LAMB1: variants seen among roughly 807,000 people sequenced by gnomAD.
LAMB1 encodes laminin subunit beta 1, also known as laminin subunit beta-1.
In LAMB1, 121 loss-of-function variants were observed where a neutral mutation model predicts 222.3. The observed-to-expected ratio is 0.54, with a 90% CI of 0.47 to 0.63. The LOEUF (loss-of-function observed/expected upper bound fraction) is 0.63, where lower values mean the gene tolerates loss of function less well. Ranked by LOEUF, LAMB1 falls within the 30% of genes least tolerant of loss-of-function variation. The pLI is 0.00. For synonymous variants in LAMB1, 794 were observed against 807.2 expected (o/e 0.98, Z 0.28); for missense variants, 2,172 against 2,240.8 (o/e 0.97, Z 0.62).
chr7:107,993,217 T>C (rs1386164791), intron 5 of LAMB1, among the ~76,000 whole-genome samples: 1 of 152,198 alleles, frequency 6.6e-6, no homozygotes, highest in East Asian at 1.9e-4. Context: ...CACTGCAACC[T>C]TCGCCTGCAG....
At chr7:107,934,587 C>T (rs971466026) in intron 27 of LAMB1, among the ~76,000 whole-genome samples, 2 of 152,146 alleles carry the variant, frequency 1.3e-5, no homozygotes, top group Admixed American at 1.3e-4. Context: ...AATGAATCTA[C>T]TTTCTAGGCT....
rs80084395 is a variant in LAMB1, at chr7:107,995,396, G to A, written c.350-436C>T. 2.3e-4 allele frequency among the ~76,000 whole-genome samples: 35 copies of A among 152,316 alleles called. No individual in the cohort carries two copies. The East Asian group carries it at 6.8e-3, about 29-fold the overall frequency. On this transcript the variant is annotated intron_variant, in intron 4 of 33. Coordinates refer to ENST00000222399, the MANE Select transcript of LAMB1 (RefSeq NM_002291.3). ...TGCACAAGGACACAATCCTCCTCCA[G>A]TAGAAACACAAATATTCCTTTTTCT...
Position 107,932,204 on chromosome 7 carries a change from G to C in LAMB1, c.4362C>G (p.Ala1454=). The C allele has an allele frequency of 6.2e-7, 1 of 1,614,206 alleles. No homozygotes were observed. Among genetic ancestry groups the C allele is most frequent in the African/African-American group, 1.3e-5 (1 of 75,044 alleles). The change falls in exon 28 of 34, where the codon GCC becomes GCG. Residue 1454 remains alanine (A), a synonymous_variant. Transcript: ENST00000222399. ...AMDLDQDVLS[A]LAEVEQLSKM... ...TGGAGAGCTGTTCCACTTCAGCCAG[G>C]GCACTCAGGACATCTTGGTCCAAGT...
At chr7:107,948,573 G>C (rs2033177932) in intron 24 of LAMB1, among the ~76,000 whole-genome samples, 1 of 152,040 alleles carries the variant, frequency 6.6e-6, no homozygotes, top group Non-Finnish European at 1.5e-5. Flanking sequence ...GAGCTGACTG[G>C]GTATCATTAT....
chr7:107,925,388 C>T (rs1460859000), intron 32 of LAMB1, among the ~76,000 whole-genome samples: 3 of 152,178 alleles, frequency 2.0e-5, no homozygotes, highest in Admixed American at 2.0e-4. Context: ...ACTGTGCATG[C>T]AAGGGATCTA....
chr7:107,955,459 C>G lies in LAMB1; in HGVS notation c.2854+8G>C. On this transcript the variant is annotated splice_region_variant and intron_variant, in intron 21 of 33. Coordinates refer to ENST00000222399, the MANE Select transcript of LAMB1 (RefSeq NM_002291.3). ...CTCTTTGCCTCCCAAAGTATGCACA[C>G]GACTTACCAATGTATCCAGGATCAC... 6.2e-7 allele frequency: 1 copy of G among 1,610,510 alleles called. No homozygotes were observed. The highest frequency in any genetic ancestry group is 8.5e-7 in the Non-Finnish European group (1 of 1,178,014).
chr7:107,947,680 C>CA (rs752176523), intron 24 of LAMB1, among the ~76,000 whole-genome samples: 1 of 152,334 alleles, frequency 6.6e-6, no homozygotes, highest in Non-Finnish European at 1.5e-5. Flanking sequence ...AATCAATTCT[C>CA]ACTCTCTCTG....
intron 2 of LAMB1, chr7:108,002,194 C>A (rs2034402987): frequency 2.2e-6 from 3 of 1,384,572 alleles, no homozygotes; most frequent in Non-Finnish European, 2.9e-6. Context: ...GCGTGGAGAT[C>A]TGTGAGCTTG....
intron 27 of LAMB1, 155 bp downstream of exon 27, chr7:107,935,260 T>G (rs1688700514): frequency 1.8e-6 from 2 of 1,133,788 alleles, no homozygotes; most frequent in South Asian, 3.1e-5. Flanking sequence ...CATTCCAGGA[T>G]CCAGAGACCT....
intron 5 of LAMB1, among the ~76,000 whole-genome samples, chr7:107,993,866 G>A (rs1484321690): frequency 6.6e-6 from 1 of 152,182 alleles, no homozygotes; most frequent in Admixed American, 6.5e-5. Flanking sequence ...TCCTGCTCCA[G>A]CAGGAACAGC....
intron 8 of LAMB1, among the ~76,000 whole-genome samples, chr7:107,979,232 T>TC (rs1472184910): frequency 3.9e-5 from 6 of 152,112 alleles, no homozygotes; most frequent in African/African-American, 1.4e-4. Flanking sequence ...GAGAAATACC[T>TC]CCCTCCCCTT....
chr7:107,943,895 G>A (rs149481637), intron 24 of LAMB1, among the ~76,000 whole-genome samples: 319 of 152,270 alleles, frequency 2.1e-3, no homozygotes, highest in African/African-American at 7.2e-3. Context: ...GCAGAATCAC[G>A]ACTTCGGAAG....
intron 21 of LAMB1, among the ~76,000 whole-genome samples, chr7:107,955,237 C>G (rs2033349180): frequency 6.6e-6 from 1 of 152,110 alleles, no homozygotes; most frequent in South Asian, 2.1e-4. Flanking sequence ...TCTAGATTTC[C>G]ACGAGCTTAC....
At chr7:107,977,694 G>T (rs1383721491) in intron 9 of LAMB1, among the ~76,000 whole-genome samples, 1 of 152,022 alleles carries the variant, frequency 6.6e-6, no homozygotes, top group Non-Finnish European at 1.5e-5. Context: ...CAGGAGAATC[G>T]CTTGAACCTG....
At position 108,002,003 on chromosome 7, in the gene LAMB1, G is replaced by C. The variant is rs1297027808; in HGVS notation, c.38-270C>G. 105 of 1,442,714 alleles carry C rather than the reference G, an allele frequency of 7.3e-5. 1 individual carries two copies. The highest frequency in any genetic ancestry group is 9.0e-5 in the Non-Finnish European group (99 of 1,095,750). 89.4% of individuals were successfully genotyped at this position (1,442,714 alleles called of 1,614,324 possible). ...CCTCCCTCCCGGGAAACCCACCGACGCTCGCGCCCACCCTGATCAGCCCCG... is the reference window on the plus strand; with the variant it reads ...CCTCCCTCCCGGGAAACCCACCGACCCTCGCGCCCACCCTGATCAGCCCCG... On this transcript the variant is annotated intron_variant, in intron 2 of 33. Coordinates refer to ENST00000222399, the MANE Select transcript of LAMB1 (RefSeq NM_002291.3).
chr7:107,935,386 A>G, intron 27 of LAMB1, 29 bp downstream of exon 27: 2 of 1,450,808 alleles, frequency 1.4e-6, no homozygotes, highest in Non-Finnish European at 9.1e-7. Context: ...TTGGCACCAT[A>G]GCAGTAAGGC....
chr7:107,981,417 C>T (rs532341189), intron 7 of LAMB1, among the ~76,000 whole-genome samples: 1 of 150,668 alleles, frequency 6.6e-6, no homozygotes, highest in East Asian at 2.0e-4. Context: ...CATTGCACTC[C>T]AGCCTGAACG....
At chr7:107,967,271 A>G (rs2033655006) in intron 13 of LAMB1, among the ~76,000 whole-genome samples, 1 of 152,070 alleles carries the variant, frequency 6.6e-6, no homozygotes, top group South Asian at 2.1e-4. Context: ...ATGTTTCTCA[A>G]CTTAGCAGCT....
At chr7:107,961,976 A>G (rs2033514621) in intron 15 of LAMB1, among the ~76,000 whole-genome samples, 1 of 152,140 alleles carries the variant, frequency 6.6e-6, no homozygotes, top group South Asian at 2.1e-4. Flanking sequence ...TCCTGTGAAT[A>G]TTATAGTCCA....
Sources: gnomAD v4.1 joint callset for allele counts (sites outside exome capture counted in the v4.1 genomes callset) on GRCh38, gnomAD v4.1.1 for gene constraint, MANE v1.5 for transcripts, NCBI Gene and HGNC (gene_info 2026-07-23, HGNC 2026-07-21) for gene names.